The following CPT2 variants were observed in gnomAD, a reference collection of about 807,000 sequenced individuals.
The protein encoded by CPT2 is carnitine palmitoyltransferase 2.
CPT2 carries 37 observed loss-of-function variants against 48.6 expected under a neutral mutation model. The observed-to-expected ratio is 0.76, with a 90% CI of 0.59 to 1.00. The LOEUF (loss-of-function observed/expected upper bound fraction) is 1.00, where lower values mean the gene tolerates loss of function less well. CPT2 is among the 50% of genes least tolerant of loss of function. CPT2 has a pLI of 0.00. For missense variants in CPT2, 772 were observed against 825.6 expected, an observed-to-expected ratio of 0.94 and a Z score of 0.80; for synonymous variants, 319 against 326.9, an observed-to-expected ratio of 0.98 and a Z score of 0.26.
At chr1:53,212,412 G>A (rs1165071566) in intron 4 of CPT2, among the ~76,000 whole-genome samples, 1 of 151,924 alleles carries the variant, frequency 6.6e-6, no homozygotes, top group African/African-American at 2.4e-5. Flanking sequence ...ATTGCCCAAG[G>A]TGGTCTCAAA....
intron 3 of CPT2, 84 bp downstream of exon 3, chr1:53,202,513 C>CA: frequency 3.4e-6 from 4 of 1,189,602 alleles, no homozygotes; most frequent in South Asian, 2.5e-5. Flanking sequence ...GTTTTGGTCT[C>CA]AGAGATATTT....
chr1:53,200,540 A>T, intron 1 of CPT2, 179 bp from the exon 2 acceptor site: 1 of 603,850 alleles, frequency 1.7e-6, no homozygotes. Flanking sequence ...ACTTAAAAGT[A>T]GAGTTACCAT....
At chr1:53,200,862 G>T (rs1199535311) in intron 2 of CPT2, 63 bp downstream of exon 2, 1 of 1,287,526 alleles carries the variant, frequency 7.8e-7, no homozygotes, top group East Asian at 2.3e-5. Context: ...GGCAAGTAGT[G>T]GTGGACCAAG....
intron 3 of CPT2, 119 bp from the exon 4 acceptor site, chr1:53,209,896 T>G: frequency 2.5e-6 from 2 of 807,418 alleles, no homozygotes; most frequent in Non-Finnish European, 4.0e-6. Flanking sequence ...CAGGGAATTC[T>G]TCTCTCTGGA....
intron 3 of CPT2, among the ~76,000 whole-genome samples, chr1:53,206,804 G>A (rs563812948): frequency 6.6e-6 from 1 of 152,312 alleles, no homozygotes; most frequent in East Asian, 1.9e-4. Flanking sequence ...TGAGACTTTG[G>A]CTTGTAATTT....
At position 53,213,559 on chromosome 1, in the gene CPT2, G is replaced by A. The variant is rs78266699; in HGVS notation, c.1941G>A (p.Met647Ile). 107 of 1,614,126 alleles carry A rather than the reference G, an allele frequency of 6.6e-5. 1 individual carries two copies. The African/African-American group carries it at 1.4e-3, about 20-fold the overall frequency. The change falls in exon 5 of 5, where the codon ATG (methionine) becomes ATA (isoleucine). Residue 647 changes from methionine to isoleucine, a missense_variant. Met to Ile is a conservative substitution (Grantham distance 10). Transcript: ENST00000371486. ...LQCVEKALED[M>I]FDALEGKSIK... ...GTGTGGAGAAGGCCTTAGAAGACAT[G>A]TTTGATGCCTTAGAAGGCAAATCCA...
At position 53,210,044 on chromosome 1, in the gene CPT2, C is replaced by A; in HGVS notation, c.370C>A (p.Arg124=). ...GPWFDMYLSA[R]DSVVLNFNPF... is the part of the protein sequence containing the mutation. ...CTGGTTTGATATGTACCTATCTGCT[C>A]GAGACTCCGTTGTTCTGAACTTTAA... Residue 124 remains arginine (R), a synonymous_variant, in exon 4 of 5, where the codon CGA becomes AGA. Coordinates refer to ENST00000371486, the MANE Select transcript of CPT2 (RefSeq NM_000098.3). The A allele has an allele frequency of 6.2e-7, 1 of 1,613,720 alleles. No individual in the cohort carries two copies. The highest frequency in any genetic ancestry group is 1.3e-5 in the African/African-American group (1 of 74,904).
At chr1:53,199,539 T>C (rs144590911) in intron 1 of CPT2, among the ~76,000 whole-genome samples, 3 of 152,326 alleles carry the variant, frequency 2.0e-5, no homozygotes, top group African/African-American at 7.2e-5. Context: ...ATTGCCATTG[T>C]CTCTAATCTA....
rs759101149 is a variant in CPT2 at position 53,213,409 on chromosome 1, G to A, written c.1791G>A (p.Val597=). ...CGAGCACACTGAGCAGCCCAGCAGT[G>A]AACCTTGGGGGCTTTGCCCCTGTGG... ...LSTSTLSSPA[V]NLGGFAPVVS... is the part of the protein sequence containing the mutation. The change falls in exon 5 of 5, where the codon GTG becomes GTA. Residue 597 remains valine (V), a synonymous_variant. Transcript: ENST00000371486. 6.2e-6 allele frequency: 10 copies of A among 1,614,264 alleles called. No homozygotes were observed. The highest frequency in any genetic ancestry group is 7.6e-6 in the Non-Finnish European group (9 of 1,180,052).
At chr1:53,207,881 C>T (rs1304406814) in intron 3 of CPT2, 1 of 152,130 alleles carries the variant, frequency 6.6e-6, no homozygotes. Context: ...ATCTAGGTTG[C>T]CAATTACTGA....
At chr1:53,205,229 G>A (rs139178316) in intron 3 of CPT2, among the ~76,000 whole-genome samples, 1 of 152,310 alleles carries the variant, frequency 6.6e-6, no homozygotes, top group Non-Finnish European at 1.5e-5. Context: ...AGATGGAGAT[G>A]AGGAACTTAT....
intron 3 of CPT2, chr1:53,204,317 G>T (rs1371771556): frequency 6.6e-6 from 1 of 151,674 alleles, no homozygotes; most frequent in Non-Finnish European, 1.5e-5. Flanking sequence ...TTTCTTGGGA[G>T]ACTTACTTAA....
At chr1:53,200,982 G>A (rs936375627) in intron 2 of CPT2, 183 bp downstream of exon 2, 14 of 663,110 alleles carry the variant, frequency 2.1e-5, no homozygotes, top group African/African-American at 7.1e-5. Flanking sequence ...ACCAAGCCCC[G>A]AGAGTTCCTC....
chr1:53,205,691 A>G (rs1451466412), intron 3 of CPT2, among the ~76,000 whole-genome samples: 1 of 152,200 alleles, frequency 6.6e-6, no homozygotes, highest in Non-Finnish European at 1.5e-5. Context: ...AGAGGGAAAA[A>G]TGGTTTCCTG....
chr1:53,210,250 ACGC>A lies in CPT2; in HGVS notation c.577_579del (p.Arg193del). On this transcript the variant is annotated inframe_deletion, in exon 4 of 5. Transcript: ENST00000371486. ...ACACTATCACCTTCAAGAGACTCAT[ACGC>A]TTTGTGCCTTCCTCTCTGTCCTGGT... 1 of 1,614,098 alleles carries A rather than the reference ACGC, an allele frequency of 6.2e-7. No individual in the cohort carries two copies. Among genetic ancestry groups the A allele is most frequent in the Non-Finnish European group, 8.5e-7 (1 of 1,180,016 alleles).
chr1:53,197,194 G>T (rs1399726533), intron 1 of CPT2, 99 bp downstream of exon 1: 1 of 1,406,944 alleles, frequency 7.1e-7, no homozygotes, highest in Non-Finnish European at 9.7e-7. Context: ...ACCCGTTTCC[G>T]CCCCCAAGCC....
At chr1:53,211,661 G>T (rs1478825388) in intron 4 of CPT2, 3 of 346,026 alleles carry the variant, frequency 8.7e-6, no homozygotes, top group Non-Finnish European at 1.5e-5. Flanking sequence ...GTGCAATGGC[G>T]TGATCTCGGC....
chr1:53,213,683 T>A lies in CPT2; in HGVS notation c.*88T>A. The stretch of plus-strand genomic sequence containing the variant: ...GTGGCTCATGCCTGTAATCCCAGCA[T>A]TTTGAGAGGCTGAGGCGGGTGGATC... On this transcript the variant is annotated 3_prime_UTR_variant, in exon 5 of 5. Transcript: ENST00000371486. 8.1e-7 allele frequency: 1 copy of A among 1,232,586 alleles called. No individual in the cohort carries two copies. Among genetic ancestry groups the A allele is most frequent in the Non-Finnish European group, 1.2e-6 (1 of 865,308 alleles). 76.4% of individuals were successfully genotyped at this position (1,232,586 alleles called of 1,614,324 possible).
At position 53,213,989 on chromosome 1, in the gene CPT2, A is replaced by G; in HGVS notation, c.*394A>G. On this transcript the variant is annotated 3_prime_UTR_variant, in exon 5 of 5. Transcript: ENST00000371486. ...CAGTGGGTGCTATTCTGTGAAACTAATCATAAGCTGCCTAGGCAGCCAGCT... is the reference window on the plus strand; with the variant it reads ...CAGTGGGTGCTATTCTGTGAAACTAGTCATAAGCTGCCTAGGCAGCCAGCT... The G allele has an allele frequency of 4.5e-6, 1 of 223,130 alleles. No homozygotes were observed. The highest frequency in any genetic ancestry group is 1.2e-4 in the East Asian group (1 of 8,554). The allele number at this position is 223,130 out of a possible 1,614,324, so 13.8% of individuals were successfully genotyped here. A position where few individuals can be genotyped will look rare whatever the true frequency, so the allele number is the denominator to read the frequency against.
Sources: gnomAD v4.1 joint callset for allele counts (sites outside exome capture counted in the v4.1 genomes callset) on GRCh38, gnomAD v4.1.1 for gene constraint, MANE v1.5 for transcripts, NCBI Gene and HGNC (gene_info 2026-07-23, HGNC 2026-07-21) for gene names.